WASF1: variants seen among roughly 807,000 people sequenced by gnomAD.
WASF1 encodes actin-binding protein WASF1.
WASF1 carries 7 observed loss-of-function variants against 50.5 expected under a neutral mutation model. That is an observed-to-expected ratio of 0.14 (90% CI 0.08 to 0.26). The LOEUF is 0.26. Among genes scored for constraint, WASF1 ranks in the 10% least tolerant of loss-of-function variants. WASF1 has a pLI of 1.00. For synonymous variants in WASF1, 205 were observed against 244.0 expected, an observed-to-expected ratio of 0.84 and a Z score of 1.49; for missense variants, 470 against 694.7, an observed-to-expected ratio of 0.68 and a Z score of 3.64.
intron 3 of WASF1, among the ~76,000 whole-genome samples, chr6:110,128,577 C>T (rs1483380164): frequency 6.6e-6 from 1 of 152,206 alleles, no homozygotes; most frequent in Non-Finnish European, 1.5e-5. Context: ...TTGCATGCTT[C>T]GCATATGCAC....
intron 2 of WASF1, among the ~76,000 whole-genome samples, chr6:110,174,069 G>A (rs769816560): frequency 2.6e-5 from 4 of 152,014 alleles, no homozygotes; most frequent in Non-Finnish European, 5.9e-5. Context: ...CAAACCTCAC[G>A]TAGGCCCTCT....
At chr6:110,165,709 A>G (rs1389957110) in intron 2 of WASF1, among the ~76,000 whole-genome samples, 1 of 151,688 alleles carries the variant, frequency 6.6e-6, no homozygotes, top group Non-Finnish European at 1.5e-5. Flanking sequence ...TCTTTCTGAC[A>G]TGGATCTTCT....
intron 1 of WASF1, among the ~76,000 whole-genome samples, 163 bp from the exon 2 acceptor site, chr6:110,178,905 C>T (rs899623703): frequency 1.3e-5 from 2 of 152,256 alleles, no homozygotes; most frequent in Admixed American, 1.3e-4. Flanking sequence ...CCAGAAGCGA[C>T]AGCACCGCTT....
chr6:110,106,921 C>T (rs1773348499), intron 7 of WASF1, among the ~76,000 whole-genome samples, 156 bp downstream of exon 7: 1 of 152,212 alleles, frequency 6.6e-6, no homozygotes, highest in African/African-American at 2.4e-5. Flanking sequence ...CCCCATCAGA[C>T]TGTGTTCTTT....
chr6:110,155,647 C>T (rs1490627717), intron 3 of WASF1, among the ~76,000 whole-genome samples: 1 of 76,268 alleles, frequency 1.3e-5, no homozygotes. Context: ...TGGTGCGCTG[C>T]ACCCACTAAT....
intron 3 of WASF1, among the ~76,000 whole-genome samples, chr6:110,129,722 A>G (rs117806862): frequency 0.022 from 3,426 of 152,330 alleles, 45 homozygotes; most frequent in South Asian, 0.046. Context: ...ACTGCCTTTG[A>G]TAAGTTTTTT....
intron 4 of WASF1, among the ~76,000 whole-genome samples, chr6:110,116,456 T>G (rs1047768214): frequency 6.6e-6 from 1 of 152,146 alleles, no homozygotes; most frequent in East Asian, 1.9e-4. Flanking sequence ...GAGATCAACC[T>G]GTGACGCTGC....
intron 3 of WASF1, among the ~76,000 whole-genome samples, chr6:110,142,963 A>AAAAAAAAAAAAAAAAC: frequency 6.6e-6 from 1 of 150,412 alleles, no homozygotes; most frequent in African/African-American, 2.4e-5. Flanking sequence ...AAAAAAAAAA[A>AAAAAAAAAAAAAAAAC]AAAAAAAAAA....
At chr6:110,123,045 T>C (rs1774210689) in intron 4 of WASF1, among the ~76,000 whole-genome samples, 1 of 152,216 alleles carries the variant, frequency 6.6e-6, no homozygotes. Flanking sequence ...TGGAAATTAC[T>C]TGCTTTATCT....
At chr6:110,118,347 CAAAAAAAAAAAA>C (rs56948481) in intron 4 of WASF1, among the ~76,000 whole-genome samples, 6 of 7,496 alleles carry the variant, frequency 8.0e-4, no homozygotes, top group East Asian at 9.4e-3. Flanking sequence ...AAACGGAAAG[CAAAAAAAAAAAA>C]AAAAAAAAAA....
At position 110,179,419 on chromosome 6, in the gene WASF1, C is replaced by T. The variant is rs1777106577; in HGVS notation, c.-272+20G>A. ...CACCCCCTCCCCGAAAAAAGCAATTCCTCAGGGACTCGCGCTCACCGTGAA... is the reference window on the plus strand; with the variant it reads ...CACCCCCTCCCCGAAAAAAGCAATTTCTCAGGGACTCGCGCTCACCGTGAA... On this transcript the variant is annotated intron_variant, in intron 1 of 10. Transcript: ENST00000392589. 6.6e-6 allele frequency: 1 copy of T among 152,628 alleles called. No individual in the cohort carries two copies. Among genetic ancestry groups the T allele is most frequent in the Non-Finnish European group, 1.5e-5 (1 of 68,418 alleles). The allele number at this position is 152,628 out of a possible 1,614,324, so 9.5% of individuals were successfully genotyped here. A position where few individuals can be genotyped will look rare whatever the true frequency, so the allele number is the denominator to read the frequency against.
chr6:110,146,512 C>T (rs1333308380), intron 3 of WASF1, among the ~76,000 whole-genome samples: 3 of 151,512 alleles, frequency 2.0e-5, no homozygotes, highest in South Asian at 2.1e-4. Context: ...AAGAACTGTA[C>T]ATTAAAAATA....
At chr6:110,151,462 CCTA>C (rs2114581213) in intron 3 of WASF1, among the ~76,000 whole-genome samples, 1 of 152,214 alleles carries the variant, frequency 6.6e-6, no homozygotes, top group African/African-American at 2.4e-5. Context: ...ATAAAAGCAT[CCTA>C]CATGTTATAA....
intron 2 of WASF1, among the ~76,000 whole-genome samples, chr6:110,172,188 T>C (rs1406904727): frequency 6.6e-6 from 1 of 152,198 alleles, no homozygotes; most frequent in East Asian, 1.9e-4. Flanking sequence ...ACTGGGTATA[T>C]ACCCAAAGGA....
chr6:110,132,473 C>T (rs927053867), intron 3 of WASF1, among the ~76,000 whole-genome samples: 14 of 151,726 alleles, frequency 9.2e-5, no homozygotes, highest in South Asian at 4.2e-4. Context: ...GTCTGTAATA[C>T]GGTTTTTTTT....
At chr6:110,111,686 G>A (rs944102540) in intron 5 of WASF1, among the ~76,000 whole-genome samples, 1 of 152,132 alleles carries the variant, frequency 6.6e-6, no homozygotes, top group Non-Finnish European at 1.5e-5. Context: ...TCATTCATAT[G>A]AAATATCCAT....
intron 2 of WASF1, among the ~76,000 whole-genome samples, chr6:110,161,440 G>A (rs377526118): frequency 4.4e-4 from 66 of 151,502 alleles, no homozygotes; most frequent in East Asian, 2.5e-3. Context: ...TTGATCCCCC[G>A]AATAAGCTTA....
At chr6:110,131,687 G>C (rs1188914664) in intron 3 of WASF1, among the ~76,000 whole-genome samples, 1 of 152,018 alleles carries the variant, frequency 6.6e-6, no homozygotes, top group African/African-American at 2.4e-5. Context: ...GTATTTTTAG[G>C]AGATGGGGTC....
chr6:110,128,583 T>C (rs185233900), intron 3 of WASF1, among the ~76,000 whole-genome samples: 1 of 152,372 alleles, frequency 6.6e-6, no homozygotes, highest in East Asian at 1.9e-4. Flanking sequence ...GCTTCGCATA[T>C]GCACAAATTT....
Sources: allele counts gnomAD v4.1 joint callset (sites outside exome capture counted in the v4.1 genomes callset), GRCh38; gene constraint gnomAD v4.1.1; transcripts MANE v1.5; gene names NCBI Gene and HGNC (gene_info 2026-07-23, HGNC 2026-07-21).